Variants in LUC7L2 observed in about 807,000 individuals in gnomAD.
LUC7L2 encodes the protein LUC7 like 2, pre-mRNA splicing factor.
A neutral mutation model predicts 52.8 loss-of-function variants in LUC7L2; 25 were observed. That is an observed-to-expected ratio of 0.47 (90% CI 0.34 to 0.66). LUC7L2 has a LOEUF of 0.66. Among genes scored for constraint, LUC7L2 ranks in the 30% least tolerant of loss-of-function variants. LUC7L2 has a pLI of 0.01. For missense variants in LUC7L2, 328 were observed against 497.8 expected (o/e 0.66, Z 3.25); for synonymous variants, 144 against 160.9 (o/e 0.89, Z 0.80).
At chr7:139,412,824 TTA>T in intron 8 of LUC7L2, 1 of 156,458 alleles carries the variant, frequency 6.4e-6, no homozygotes. Flanking sequence ...GACTCTGTCT[TTA>T]AAAAAAAAAA....
chr7:139,382,924 G>T (rs1801110249), intron 2 of LUC7L2, among the ~76,000 whole-genome samples: 1 of 151,594 alleles, frequency 6.6e-6, no homozygotes, highest in Non-Finnish European at 1.5e-5. Flanking sequence ...TTTAAAAACT[G>T]CTGAAGTATC....
intron 7 of LUC7L2, 71 bp from the exon 8 acceptor site, chr7:139,412,480 A>G (rs369166778): frequency 2.0e-6 from 3 of 1,505,346 alleles, no homozygotes; most frequent in East Asian, 2.3e-5. Flanking sequence ...ATCAGGAAGA[A>G]TATAATGTAA....
chr7:139,355,193 T>C (rs1047720020), upstream of LUC7L2, among the ~76,000 whole-genome samples: 1 of 152,084 alleles, frequency 6.6e-6, no homozygotes. Context: ...CCCAGATTTT[T>C]GTTGTTTGTT....
In LUC7L2 at chr7:139,422,301, CAGG is replaced by C; in HGVS notation, c.1146_1148del (p.Arg382del). ...AGAGTGCTAATGGCAGATCAGAAGA[CAGG>C]AGGAGCTCTGAAGAGCGCGAAGCAG... On this transcript the variant is annotated inframe_deletion, in exon 10 of 10. Transcript: ENST00000354926. 1.2e-6 allele frequency: 2 copies of C among 1,613,980 alleles called. No homozygotes were observed. Among genetic ancestry groups the C allele is most frequent in the African/African-American group, 1.3e-5 (1 of 75,022 alleles).
chr7:139,361,528 T>A (rs1327187502), intron 1 of LUC7L2, among the ~76,000 whole-genome samples: 1 of 152,252 alleles, frequency 6.6e-6, no homozygotes, highest in Non-Finnish European at 1.5e-5. Flanking sequence ...ATTTTCAGTT[T>A]TAATAAAAAC....
rs1274843684 is a variant in LUC7L2 at position 139,422,728 on chromosome 7, G to T, written c.*388G>T. ...TTTTCTTTTTAATTATTCTTCCTCT[G>T]ACTTTGTATCCCTTAATACCTACAC... On this transcript the variant is annotated 3_prime_UTR_variant, in exon 10 of 10. Transcript: ENST00000354926. 3 of 404,948 alleles carry T rather than the reference G, an allele frequency of 7.4e-6. No homozygotes were observed. The highest frequency in any genetic ancestry group is 4.4e-6 in the Non-Finnish European group (1 of 229,814). The allele number at this position is 404,948 out of a possible 1,614,324, so 25.1% of individuals were successfully genotyped here.
At chr7:139,404,553 A>G (rs781660326) in intron 4 of LUC7L2, among the ~76,000 whole-genome samples, 12 of 151,896 alleles carry the variant, frequency 7.9e-5, no homozygotes, top group Non-Finnish European at 1.5e-4. Flanking sequence ...CTTTGCTAAC[A>G]TATTATAATT....
At chr7:139,361,692 CTG>C (rs1298082445) in intron 1 of LUC7L2, among the ~76,000 whole-genome samples, 2 of 152,200 alleles carry the variant, frequency 1.3e-5, no homozygotes, top group African/African-American at 4.8e-5. Flanking sequence ...AAACTTTTAA[CTG>C]TTATCATTTC....
chr7:139,412,536 A>ATTT lies in LUC7L2; in HGVS notation c.780-5_780-3dup. 2 of 1,427,912 alleles carry ATTT rather than the reference A, an allele frequency of 1.4e-6. No homozygotes were observed. The highest frequency in any genetic ancestry group is 1.9e-6 in the Non-Finnish European group (2 of 1,044,274). 88.5% of individuals were successfully genotyped at this position (1,427,912 alleles called of 1,614,324 possible). ...TATAGCCACTTTTCTAAAAATACAT[A>ATTT]TTTTTTTTTTTTAGGTCCCGATCAC... is the stretch of plus-strand genomic sequence containing the variant. On this transcript the variant is annotated splice_polypyrimidine_tract_variant and intron_variant, in intron 7 of 9. Coordinates refer to ENST00000354926, the MANE Select transcript of LUC7L2 (RefSeq NM_016019.5).
intron 7 of LUC7L2, among the ~76,000 whole-genome samples, chr7:139,410,387 T>A (rs1408341262): frequency 6.6e-6 from 1 of 152,168 alleles, no homozygotes; most frequent in Non-Finnish European, 1.5e-5. Context: ...TTTGGTTAGT[T>A]CCTCAATTCT....
intron 2 of LUC7L2, among the ~76,000 whole-genome samples, chr7:139,380,069 C>T (rs950160694): frequency 1.9e-4 from 29 of 151,610 alleles, no homozygotes; most frequent in Admixed American, 1.4e-3. Context: ...ATCCCAGCTA[C>T]TCGGGAAGCT....
chr7:139,360,400 G>C, intron 1 of LUC7L2, 78 bp downstream of exon 1: 1 of 1,401,466 alleles, frequency 7.1e-7, no homozygotes, highest in Non-Finnish European at 9.8e-7. Context: ...GGCGCACCTG[G>C]GCGCGCGCGT....
In LUC7L2 at chr7:139,422,421, CAGTG is replaced by C. The variant is rs1356374330; in HGVS notation, c.*84_*87del. ...TTTAGTTCACAGCTGTTCAGGGTGA[CAGTG>C]AGCAGATCCAGACACCAGATCCAGC... On this transcript the variant is annotated 3_prime_UTR_variant, in exon 10 of 10. Coordinates refer to ENST00000354926, the MANE Select transcript of LUC7L2 (RefSeq NM_016019.5). The C allele has an allele frequency of 2.0e-5, 31 of 1,512,508 alleles. No individual in the cohort carries two copies. Among genetic ancestry groups the C allele is most frequent in the South Asian group, 2.7e-5 (2 of 72,924 alleles). 93.7% of individuals were successfully genotyped at this position (1,512,508 alleles called of 1,614,324 possible).
intron 2 of LUC7L2, among the ~76,000 whole-genome samples, chr7:139,382,716 A>G (rs1347051899): frequency 6.6e-6 from 1 of 152,064 alleles, no homozygotes; most frequent in Non-Finnish European, 1.5e-5. Context: ...GTAAAAATGT[A>G]TTTGCTTATT....
In LUC7L2 at chr7:139,406,832, T is replaced by C. The variant is rs746019938; in HGVS notation, c.511-342T>C. Among the ~76,000 whole-genome samples, 5 of 152,104 alleles carry C rather than the reference T, an allele frequency of 3.3e-5. No homozygotes were observed. The South Asian group carries it at 6.2e-4, about 19-fold the overall frequency. On this transcript the variant is annotated intron_variant, in intron 5 of 9. Transcript: ENST00000354926. ...CTAGCTGGTCAGTTTTATTTTGTTT[T>C]TCAAAGAACCAGTCTTCTGATTTTA...
chr7:139,347,111 T>G (rs1426531614), intron 1 of LUC7L2, among the ~76,000 whole-genome samples: 1 of 152,238 alleles, frequency 6.6e-6, no homozygotes, highest in African/African-American at 2.4e-5. Context: ...CTTTGGCTCC[T>G]TTATGGTATA....
chr7:139,417,250 A>C (rs1795663286), intron 8 of LUC7L2: 1 of 302,332 alleles, frequency 3.3e-6, no homozygotes, highest in Non-Finnish European at 6.4e-6. Context: ...CATGTTGCCT[A>C]GGCTGGTCTT....
intron 6 of LUC7L2, among the ~76,000 whole-genome samples, chr7:139,408,181 T>C (rs1242236259): frequency 6.6e-6 from 1 of 152,188 alleles, no homozygotes; most frequent in East Asian, 1.9e-4. Context: ...CTCCATATTC[T>C]CAGGTAACAG....
chr7:139,402,303 A>G lies in LUC7L2; in HGVS notation c.366+56A>G, dbSNP rs1794948933. 2.8e-6 allele frequency: 4 copies of G among 1,449,364 alleles called. No individual in the cohort carries two copies. The East Asian group carries it at 1.0e-4, about 37-fold the overall frequency. 89.8% of individuals were successfully genotyped at this position (1,449,364 alleles called of 1,614,324 possible). A position where few individuals can be genotyped will look rare whatever the true frequency, so the allele number is the denominator to read the frequency against. On this transcript the variant is annotated intron_variant, in intron 4 of 9. Coordinates refer to ENST00000354926, the MANE Select transcript of LUC7L2 (RefSeq NM_016019.5). ...AGTATTATTTCGACTCCTTTTGTTT[A>G]AGTTTTTATTTTGAAATAATTAGAT...
Sources: gnomAD v4.1 joint callset for allele counts (sites outside exome capture counted in the v4.1 genomes callset) on GRCh38, gnomAD v4.1.1 for gene constraint, MANE v1.5 for transcripts, NCBI Gene and HGNC (gene_info 2026-07-23, HGNC 2026-07-21) for gene names.